SOAT1: variants seen among roughly 807,000 people sequenced by gnomAD.
SOAT1 encodes sterol O-acyltransferase 1, also known as acyl-coenzyme A:cholesterol acyltransferase 1.
SOAT1 carries 55 observed loss-of-function variants against 69.5 expected under a neutral mutation model. The observed-to-expected ratio is 0.79, with a 90% CI of 0.64 to 0.99. SOAT1 has a LOEUF of 0.99. SOAT1 is among the 50% of genes least tolerant of loss of function. The pLI, the probability that SOAT1 is intolerant of heterozygous loss-of-function variation, is 0.00. For missense variants in SOAT1, 580 were observed against 669.3 expected, an observed-to-expected ratio of 0.87 and a Z score of 1.47; for synonymous variants, 231 against 224.7, an observed-to-expected ratio of 1.03 and a Z score of -0.25.
chr1:179,323,041 C>CTTT (rs1665658486), intron 2 of SOAT1, among the ~76,000 whole-genome samples: 1 of 98,722 alleles, frequency 1.0e-5, no homozygotes, highest in Non-Finnish European at 2.2e-5. Flanking sequence ...CTTTTCTTTT[C>CTTT]TTTCTTTTTT....
intron 4 of SOAT1, among the ~76,000 whole-genome samples, chr1:179,336,009 C>T (rs965101136): frequency 6.6e-6 from 1 of 151,838 alleles, no homozygotes; most frequent in African/African-American, 2.4e-5. Flanking sequence ...ACTAAAAATA[C>T]AAAATTTAGC....
chr1:179,348,305 G>A (rs1666602363), intron 12 of SOAT1, among the ~76,000 whole-genome samples: 2 of 152,146 alleles, frequency 1.3e-5, no homozygotes, highest in Admixed American at 1.3e-4. Context: ...AGTGTGGATT[G>A]CAGATTTTAG....
chr1:179,330,917 AG>A (rs1333673767), intron 3 of SOAT1, among the ~76,000 whole-genome samples: 1 of 152,230 alleles, frequency 6.6e-6, no homozygotes, highest in African/African-American at 2.4e-5. Context: ...TTGGCTACCT[AG>A]GTGCAAAGAG....
chr1:179,342,222 T>TCCTCC (rs751596124), intron 8 of SOAT1, 30 bp downstream of exon 8: 3 of 1,544,190 alleles, frequency 1.9e-6, no homozygotes, highest in South Asian at 2.3e-5. Context: ...CATTATTTCT[T>TCCTCC]CCTCCCCTCC....
chr1:179,308,407 C>T (rs1665094833), intron 2 of SOAT1, among the ~76,000 whole-genome samples: 1 of 152,036 alleles, frequency 6.6e-6, no homozygotes, highest in African/African-American at 2.4e-5. Flanking sequence ...CACGGTGGCT[C>T]ACTCCTGTAA....
intron 2 of SOAT1, among the ~76,000 whole-genome samples, chr1:179,305,476 G>A (rs1192151681): frequency 7.4e-6 from 1 of 134,930 alleles, no homozygotes; most frequent in Non-Finnish European, 1.6e-5. Context: ...TTGCTTATCT[G>A]TCAGTTGATA....
intron 1 of SOAT1, among the ~76,000 whole-genome samples, chr1:179,302,459 T>C (rs987453042): frequency 1.3e-5 from 2 of 152,178 alleles, no homozygotes; most frequent in African/African-American, 4.8e-5. Flanking sequence ...TGGTTTTAAA[T>C]GTGGCACTTC....
chr1:179,352,076 C>T (rs1425454162), intron 15 of SOAT1, among the ~76,000 whole-genome samples: 2 of 151,342 alleles, frequency 1.3e-5, no homozygotes, highest in Non-Finnish European at 2.9e-5. Context: ...CTAAAACATA[C>T]CTTTTTTTTT....
chr1:179,314,616 G>A (rs912325144), intron 2 of SOAT1, among the ~76,000 whole-genome samples: 6 of 152,062 alleles, frequency 3.9e-5, no homozygotes, highest in South Asian at 2.1e-4. Flanking sequence ...GAGAATGGGG[G>A]GGTCTCACTT....
chr1:179,334,658 G>A (rs6681505), intron 3 of SOAT1, among the ~76,000 whole-genome samples: 75,689 of 151,946 alleles, frequency 0.5, 19,801 homozygotes, highest in East Asian at 0.84. Flanking sequence ...CCTTATAAGT[G>A]ACATTCTGTA....
rs7541674 is a variant in SOAT1, at chr1:179,354,632, T to C, written c.*991T>C. The C allele has an allele frequency of 4.4e-4, 67 of 152,334 alleles. No individual in the cohort carries two copies. Among genetic ancestry groups the C allele is most frequent in the African/African-American group, 1.5e-3 (62 of 41,586 alleles). The allele number at this position is 152,334 out of a possible 1,614,324, so 9.4% of individuals were successfully genotyped here. A position where few individuals can be genotyped will look rare whatever the true frequency, so the allele number is the denominator to read the frequency against. On this transcript the variant is annotated 3_prime_UTR_variant, in exon 16 of 16. Transcript: ENST00000367619. ...AAGTATTAATCACCTCCACTCATATTAAAGTGATCATTAAGAATCCAGAAG... is the reference window on the plus strand; with the variant it reads ...AAGTATTAATCACCTCCACTCATATCAAAGTGATCATTAAGAATCCAGAAG...
In SOAT1 at chr1:179,351,422, C is replaced by G; in HGVS notation, c.1556C>G (p.Ser519Cys). The G allele has an allele frequency of 6.2e-7, 1 of 1,614,046 alleles. No homozygotes were observed. The highest frequency in any genetic ancestry group is 8.5e-7 in the Non-Finnish European group (1 of 1,179,994). The change falls in exon 15 of 16, where the codon TCT becomes TGT. Residue 519 changes from serine (S) to cysteine (C), a missense_variant. Ser to Cys is a moderately radical substitution (Grantham distance 112). Transcript: ENST00000367619. ...LGNGVLLCFYSQEWYARQHCP... is the reference protein window; with the variant it reads ...LGNGVLLCFYCQEWYARQHCP... ...AATGGAGTCTTACTCTGCTTTTATT[C>G]TCAAGAATGGTATGCACGTCAGCAC...
intron 1 of SOAT1, among the ~76,000 whole-genome samples, chr1:179,294,167 T>C (rs966785172): frequency 9.9e-5 from 15 of 152,212 alleles, no homozygotes; most frequent in African/African-American, 3.6e-4. Context: ...GCACGCTGGT[T>C]TGGTGTTCCG....
At chr1:179,329,886 T>G (rs1323794375) in intron 3 of SOAT1, among the ~76,000 whole-genome samples, 1 of 152,170 alleles carries the variant, frequency 6.6e-6, no homozygotes, top group East Asian at 1.9e-4. Context: ...TATACAAGAT[T>G]AGTAATTTCT....
chr1:179,326,881 G>A (rs781155489), intron 3 of SOAT1, among the ~76,000 whole-genome samples: 1 of 152,100 alleles, frequency 6.6e-6, no homozygotes, highest in Non-Finnish European at 1.5e-5. Context: ...TTCTGAACAA[G>A]ATATAGTAGG....
rs576895670 is a variant in SOAT1, at chr1:179,355,828, C to G, written c.*2187C>G. On this transcript the variant is annotated 3_prime_UTR_variant, in exon 16 of 16. Transcript: ENST00000367619. Reference sequence around the variant, plus strand: ...GAAGACAGGCGTTAGCCACCGTGCCCGGCCTCTGTTTCCTGTTATTAGTGA... The same window carrying G: ...GAAGACAGGCGTTAGCCACCGTGCCGGGCCTCTGTTTCCTGTTATTAGTGA... The G allele has an allele frequency of 6.6e-6, 1 of 152,200 alleles. No homozygotes were observed. Among genetic ancestry groups the G allele is most frequent in the Admixed American group, 6.6e-5 (1 of 15,262 alleles). 9.4% of individuals were successfully genotyped at this position (152,200 alleles called of 1,614,324 possible). A position where few individuals can be genotyped will look rare whatever the true frequency, so the allele number is the denominator to read the frequency against.
Position 179,310,513 on chromosome 1 carries a change from T to C in SOAT1, c.118+7711T>C, listed in dbSNP as rs1231439026. Among the ~76,000 whole-genome samples the C allele has an allele frequency of 2.0e-5, 3 of 152,172 alleles. No individual in the cohort carries two copies. The East Asian group carries it at 5.8e-4, about 29-fold the overall frequency. ...GTGAGTAGTTGAGAACTTTGTAAAG[T>C]TTTTGTGGTCAGTGGAGCAATAGAC... On this transcript the variant is annotated intron_variant, in intron 2 of 15. Transcript: ENST00000367619.
Position 179,356,446 on chromosome 1 carries a change from A to G in SOAT1, c.*2805A>G, listed in dbSNP as rs1390667609. The G allele has an allele frequency of 7.0e-6, 1 of 143,602 alleles. No homozygotes were observed. Among genetic ancestry groups the G allele is most frequent in the Non-Finnish European group, 1.5e-5 (1 of 66,208 alleles). 8.9% of individuals were successfully genotyped at this position (143,602 alleles called of 1,614,324 possible). ...GTTGCTTGCCTCATGTTAGAATTTA[A>G]TTAGAAAACTGAGGCTGCCTTTTTT... On this transcript the variant is annotated 3_prime_UTR_variant, in exon 16 of 16. Coordinates refer to ENST00000367619, the MANE Select transcript of SOAT1 (RefSeq NM_003101.6).
chr1:179,340,322 A>C (rs911592905), intron 6 of SOAT1, among the ~76,000 whole-genome samples: 5 of 152,100 alleles, frequency 3.3e-5, no homozygotes, highest in African/African-American at 1.2e-4. Flanking sequence ...TCTCTACAAA[A>C]AATTTAAAAA....
Sources: allele counts gnomAD v4.1 joint callset (sites outside exome capture counted in the v4.1 genomes callset), GRCh38; gene constraint gnomAD v4.1.1; transcripts MANE v1.5; gene names NCBI Gene and HGNC (gene_info 2026-07-23, HGNC 2026-07-21).